GALNT17: variants seen among roughly 807,000 people sequenced by gnomAD.
GALNT17 encodes UDP-GalNAc:polypeptide N-acetylgalactosaminyltransferase-like 3.
Under a neutral mutation model 63.7 loss-of-function variants are expected in GALNT17, and 29 were observed. That is an observed-to-expected ratio of 0.46 (90% CI 0.34 to 0.62). GALNT17 has a LOEUF of 0.62. Among genes scored for constraint, GALNT17 ranks in the 20% least tolerant of loss-of-function variants. GALNT17 has a pLI of 0.01. For synonymous variants in GALNT17, 305 were observed against 318.3 expected (o/e 0.96, Z 0.45); for missense variants, 603 against 799.6 (o/e 0.75, Z 2.97).
intron 1 of GALNT17, among the ~76,000 whole-genome samples, chr7:71,199,018 A>G (rs531501119): frequency 1.3e-5 from 2 of 152,170 alleles, no homozygotes; most frequent in East Asian, 3.9e-4. Context: ...TCATGTTGAT[A>G]CTGTTAGTCC....
At chr7:71,545,277 C>T (rs780244212) in intron 5 of GALNT17, among the ~76,000 whole-genome samples, 4 of 152,074 alleles carry the variant, frequency 2.6e-5, no homozygotes, top group Non-Finnish European at 4.4e-5. Flanking sequence ...TTATTTTTCA[C>T]AAGGTTTTGT....
chr7:71,239,680 C>T (rs1217397249), intron 1 of GALNT17, among the ~76,000 whole-genome samples: 4 of 152,104 alleles, frequency 2.6e-5, no homozygotes, highest in Non-Finnish European at 2.9e-5. Context: ...TCTGAAACGG[C>T]ACAGCTGAGC....
At chr7:71,534,215 A>G (rs376494053) in intron 5 of GALNT17, among the ~76,000 whole-genome samples, 5 of 152,172 alleles carry the variant, frequency 3.3e-5, no homozygotes, top group African/African-American at 1.2e-4. Flanking sequence ...GAAACTTACA[A>G]TCATGGCAGA....
intron 1 of GALNT17, among the ~76,000 whole-genome samples, chr7:71,213,550 C>G (rs908301037): frequency 6.6e-6 from 1 of 152,082 alleles, no homozygotes; most frequent in Non-Finnish European, 1.5e-5. Flanking sequence ...AATTTTGATT[C>G]ATTTACTCAG....
At chr7:71,388,538 T>G in intron 3 of GALNT17, 137 bp downstream of exon 3, 1 of 1,124,650 alleles carries the variant, frequency 8.9e-7, no homozygotes, top group Non-Finnish European at 1.2e-6. Context: ...TTTCTTTTTC[T>G]TTTTTTGAGA....
At chr7:71,409,093 A>G (rs928514163) in intron 3 of GALNT17, among the ~76,000 whole-genome samples, 2 of 151,684 alleles carry the variant, frequency 1.3e-5, no homozygotes, top group Non-Finnish European at 2.9e-5. Flanking sequence ...AGTTTTGGAA[A>G]TGGCATGCCA....
chr7:71,429,876 G>A (rs942943348), intron 5 of GALNT17, among the ~76,000 whole-genome samples: 15 of 152,216 alleles, frequency 9.9e-5, no homozygotes, highest in African/African-American at 3.6e-4. Flanking sequence ...CCAGCTAATT[G>A]TTGTACTTTT....
At chr7:71,250,020 G>C (rs908272373) in intron 1 of GALNT17, among the ~76,000 whole-genome samples, 1 of 152,218 alleles carries the variant, frequency 6.6e-6, no homozygotes, top group East Asian at 1.9e-4. Flanking sequence ...TTTTTCAAGT[G>C]TGAACATATG....
At chr7:71,232,649 G>A (rs73700664) in intron 1 of GALNT17, among the ~76,000 whole-genome samples, 29,927 of 152,116 alleles carry the variant, frequency 0.2, 3,073 homozygotes, top group Middle Eastern at 0.3. Context: ...TAGTGTTACA[G>A]CTCTGTGACT....
chr7:71,361,577 C>T (rs527634861), intron 2 of GALNT17, among the ~76,000 whole-genome samples: 2 of 152,128 alleles, frequency 1.3e-5, no homozygotes, highest in Admixed American at 1.3e-4. Context: ...AGACCTGCCC[C>T]CTGGCTACGA....
intron 5 of GALNT17, among the ~76,000 whole-genome samples, chr7:71,493,208 TC>T (rs962876391): frequency 3.9e-4 from 59 of 152,272 alleles, no homozygotes; most frequent in African/African-American, 1.3e-3. Context: ...CCTGGGTTTT[TC>T]CTCCAGGACA....
At chr7:71,299,629 T>C (rs1330900403) in intron 1 of GALNT17, among the ~76,000 whole-genome samples, 3 of 146,524 alleles carry the variant, frequency 2.0e-5, no homozygotes, top group Non-Finnish European at 4.4e-5. Context: ...ACATTGCCAC[T>C]GTAGCGCTGG....
intron 1 of GALNT17, among the ~76,000 whole-genome samples, chr7:71,201,146 A>T (rs1789159162): frequency 6.6e-6 from 1 of 151,070 alleles, no homozygotes; most frequent in Non-Finnish European, 1.5e-5. Context: ...ATTTTCAGTA[A>T]TTGGCTTATT....
At chr7:71,533,361 G>C (rs1488553510) in intron 5 of GALNT17, among the ~76,000 whole-genome samples, 1 of 152,196 alleles carries the variant, frequency 6.6e-6, no homozygotes, top group African/African-American at 2.4e-5. Context: ...TCTGGTTTCT[G>C]TAGCAAATCA....
At chr7:71,143,675 A>C (rs954667843) in intron 1 of GALNT17, among the ~76,000 whole-genome samples, 1 of 152,052 alleles carries the variant, frequency 6.6e-6, no homozygotes, top group Non-Finnish European at 1.5e-5. Flanking sequence ...TGACCAGGTC[A>C]CTATGTTGAC....
chr7:71,659,889 C>T (rs1173461352), intron 6 of GALNT17, among the ~76,000 whole-genome samples: 1 of 152,198 alleles, frequency 6.6e-6, no homozygotes, highest in Non-Finnish European at 1.5e-5. Flanking sequence ...TCAGACTTCA[C>T]CTTAGTATCC....
At chr7:71,351,698 A>G (rs529591828) in intron 2 of GALNT17, among the ~76,000 whole-genome samples, 56 of 152,274 alleles carry the variant, frequency 3.7e-4, no homozygotes, top group African/African-American at 1.3e-3. Context: ...CAGAGGGTGC[A>G]TGCCCTTGCT....
chr7:71,215,088 C>G (rs1421413283), intron 1 of GALNT17, among the ~76,000 whole-genome samples: 1 of 152,170 alleles, frequency 6.6e-6, no homozygotes, highest in Non-Finnish European at 1.5e-5. Context: ...CTTTTAAACC[C>G]CAGTGTAACC....
intron 6 of GALNT17, among the ~76,000 whole-genome samples, chr7:71,663,237 T>C (rs2117041585): frequency 6.6e-6 from 1 of 152,322 alleles, no homozygotes; most frequent in African/African-American, 2.4e-5. Flanking sequence ...GGAATTCAGC[T>C]GGGATTTTTA....
Sources: allele counts gnomAD v4.1 joint callset (sites outside exome capture counted in the v4.1 genomes callset), GRCh38; gene constraint gnomAD v4.1.1; transcripts MANE v1.5; gene names NCBI Gene and HGNC (gene_info 2026-07-23, HGNC 2026-07-21).